The following RGS6 variants were observed in gnomAD, a reference collection of about 807,000 sequenced individuals.
RGS6 encodes the protein regulator of G-protein signaling 6.
Under a neutral mutation model 78.5 loss-of-function variants are expected in RGS6, and 30 were observed. The ratio of observed to expected loss-of-function variants is 0.38; its 90% CI spans 0.29 to 0.52. The LOEUF is 0.52. Among genes scored for constraint, RGS6 ranks in the 20% least tolerant of loss-of-function variants. RGS6 has a pLI of 0.85. For missense variants in RGS6, 495 were observed against 609.7 expected (o/e 0.81, Z 1.98); for synonymous variants, 206 against 206.0 (o/e 1.00, Z 0.00).
chr14:71,936,015 G>GATATATATATATATATATAT (rs55686505), intron 1 of RGS6, among the ~76,000 whole-genome samples: 825 of 63,564 alleles, frequency 0.013, 25 homozygotes, highest in Non-Finnish European at 0.015. Context: ...GAACTAATAG[G>GATATATATATATATATATAT]ATATATATAT....
Position 72,554,119 on chromosome 14 carries a change from C to T in RGS6, c.1423-8298C>T, listed in dbSNP as rs553758730. On this transcript the variant is annotated intron_variant, in intron 17 of 17. Transcript: ENST00000553525. ...GATAGTGGGGAAGAAAGAAATGAGC[C>T]GGCCCTCTTTGCATATGCATCCAAA... Among the ~76,000 whole-genome samples, 15 of 152,336 alleles carry T rather than the reference C, an allele frequency of 9.8e-5. No individual in the cohort carries two copies. The South Asian group carries it at 2.7e-3, about 27-fold the overall frequency.
intron 3 of RGS6, among the ~76,000 whole-genome samples, chr14:72,442,355 A>T (rs1029201205): frequency 2.0e-5 from 3 of 152,076 alleles, no homozygotes; most frequent in Non-Finnish European, 4.4e-5. Flanking sequence ...CCTGCATCTA[A>T]TACCCACTGC....
chr14:71,934,297 A>G (rs1198632716), intron 1 of RGS6, among the ~76,000 whole-genome samples: 3 of 152,182 alleles, frequency 2.0e-5, no homozygotes, highest in African/African-American at 7.2e-5. Flanking sequence ...CATAAACTAT[A>G]TATATGTAGA....
intron 2 of RGS6, among the ~76,000 whole-genome samples, chr14:72,048,343 C>G (rs1448141840): frequency 6.6e-6 from 1 of 152,116 alleles, no homozygotes; most frequent in East Asian, 1.9e-4. Flanking sequence ...CTCCAGGTAT[C>G]AAAAGTCTTT....
rs181759447 is a variant in RGS6, at chr14:72,389,079, G to A, written c.184+36885G>A. Among the ~76,000 whole-genome samples, 120 of 152,180 alleles carry A rather than the reference G, an allele frequency of 7.9e-4. 1 individual carries two copies. The highest frequency in any genetic ancestry group is 2.6e-3 in the African/African-American group (109 of 41,516). On this transcript the variant is annotated intron_variant, in intron 3 of 17. Coordinates refer to ENST00000553525, the MANE Select transcript of RGS6 (RefSeq NM_001204424.2). ...GAGAGAAATTCTCCTGGGTTGTCTC[G>A]GGTCCATGTGCTGGACCCATATTTC...
chr14:72,520,646 G>T (rs1269519686), intron 15 of RGS6, among the ~76,000 whole-genome samples: 2 of 152,158 alleles, frequency 1.3e-5, no homozygotes, highest in African/African-American at 4.8e-5. Context: ...AGAAAAGCAG[G>T]ATAAATATTT....
chr14:72,314,433 C>T (rs149009724), intron 2 of RGS6, among the ~76,000 whole-genome samples: 51 of 152,312 alleles, frequency 3.3e-4, no homozygotes, highest in Non-Finnish European at 4.7e-4. Flanking sequence ...CTCAGGCATC[C>T]ACTGGCTTAC....
chr14:72,278,228 AT>A (rs1242044538), intron 2 of RGS6, among the ~76,000 whole-genome samples: 1 of 152,212 alleles, frequency 6.6e-6, no homozygotes, highest in Non-Finnish European at 1.5e-5. Flanking sequence ...CGATTCCTGA[AT>A]TTTCAAAACA....
At chr14:72,388,474 C>T (rs1326823420) in intron 3 of RGS6, among the ~76,000 whole-genome samples, 2 of 152,172 alleles carry the variant, frequency 1.3e-5, no homozygotes, top group Non-Finnish European at 2.9e-5. Flanking sequence ...ACATTTTATT[C>T]TTCTGTGACT....
At chr14:72,276,863 A>G (rs1020226293) in intron 2 of RGS6, among the ~76,000 whole-genome samples, 96 of 151,040 alleles carry the variant, frequency 6.4e-4, no homozygotes, top group African/African-American at 2.3e-3. Flanking sequence ...GACTAATACA[A>G]TATTGAAAAA....
intron 13 of RGS6, among the ~76,000 whole-genome samples, chr14:72,502,518 C>A (rs954079267): frequency 6.6e-6 from 1 of 152,192 alleles, no homozygotes; most frequent in Non-Finnish European, 1.5e-5. Context: ...GTAATCCCAG[C>A]ACTTTGGGAG....
At chr14:72,172,449 T>C (rs2097036255) in intron 2 of RGS6, among the ~76,000 whole-genome samples, 1 of 151,966 alleles carries the variant, frequency 6.6e-6, no homozygotes, top group Non-Finnish European at 1.5e-5. Context: ...TGAGAAGTGG[T>C]ACACACACAC....
intron 2 of RGS6, among the ~76,000 whole-genome samples, chr14:72,057,381 T>C (rs866039763): frequency 2.7e-5 from 4 of 150,878 alleles, no homozygotes; most frequent in African/African-American, 9.8e-5. Flanking sequence ...CTACCTATTA[T>C]GATGTCAAGG....
Position 72,565,893 on chromosome 14 carries a change from T to C in RGS6, c.*3426T>C, listed in dbSNP as rs1162031002. The stretch of plus-strand genomic sequence containing the variant: ...AAGAGGGAAAGGATTAAGGGCTCTC[T>C]TCCTTTGGGCCCTGCAGAATGTATT... On this transcript the variant is annotated 3_prime_UTR_variant, in exon 18 of 18. Coordinates refer to ENST00000553525, the MANE Select transcript of RGS6 (RefSeq NM_001204424.2). 2 of 152,212 alleles carry C rather than the reference T, an allele frequency of 1.3e-5. No homozygotes were observed. Among genetic ancestry groups the C allele is most frequent in the Non-Finnish European group, 2.9e-5 (2 of 68,062 alleles). 9.4% of individuals were successfully genotyped at this position (152,212 alleles called of 1,614,324 possible). A position where few individuals can be genotyped will look rare whatever the true frequency, so the allele number is the denominator to read the frequency against.
chr14:72,266,593 G>A (rs1480439462), intron 2 of RGS6, among the ~76,000 whole-genome samples: 1 of 152,190 alleles, frequency 6.6e-6, no homozygotes, highest in East Asian at 1.9e-4. Context: ...CAAGTTTCAA[G>A]AAATAAGAAT....
intron 2 of RGS6, among the ~76,000 whole-genome samples, chr14:71,984,876 T>TCGCTTTCAATTTCTA (rs1393700370): frequency 6.6e-6 from 1 of 152,116 alleles, no homozygotes; most frequent in African/African-American, 2.4e-5. Context: ...ATTTAAAAAG[T>TCGCTTTCAATTTCTA]AATAATTCAA....
chr14:72,568,991 G>A (rs1036018440), downstream of RGS6, among the ~76,000 whole-genome samples: 48 of 152,110 alleles, frequency 3.2e-4, no homozygotes, highest in African/African-American at 4.1e-4. Context: ...ATCAGGGAGC[G>A]GACGTTTAAA....
At chr14:72,308,348 CCTT>C (rs1784399506) in intron 2 of RGS6, among the ~76,000 whole-genome samples, 1 of 152,194 alleles carries the variant, frequency 6.6e-6, no homozygotes, top group Non-Finnish European at 1.5e-5. Context: ...CTCAAATCCA[CCTT>C]CTTCCAAAGC....
At chr14:72,013,964 T>C (rs1241979883) in intron 2 of RGS6, among the ~76,000 whole-genome samples, 1 of 152,252 alleles carries the variant, frequency 6.6e-6, no homozygotes, top group Non-Finnish European at 1.5e-5. Context: ...CTGAGCTCAC[T>C]GTGAAAATCG....
Sources: gnomAD v4.1 joint callset for allele counts (sites outside exome capture counted in the v4.1 genomes callset) on GRCh38, gnomAD v4.1.1 for gene constraint, MANE v1.5 for transcripts, NCBI Gene and HGNC (gene_info 2026-07-23, HGNC 2026-07-21) for gene names.